ARID5B: variants seen among roughly 807,000 people sequenced by gnomAD.
The protein encoded by ARID5B is AT-rich interaction domain 5B.
ARID5B carries 13 observed loss-of-function variants against 97.2 expected under a neutral mutation model. That is an observed-to-expected ratio of 0.13 (90% confidence interval 0.09 to 0.21). The LOEUF is 0.21. ARID5B is among the 10% of genes least tolerant of loss of function. ARID5B has a pLI of 1.00. For missense variants in ARID5B, 1,210 were observed against 1,465.3 expected (o/e 0.83, Z 2.84); for synonymous variants, 556 against 570.3 (o/e 0.97, Z 0.36).
chr10:61,992,691 G>A (rs1277967196), intron 3 of ARID5B, among the ~76,000 whole-genome samples: 1 of 152,070 alleles, frequency 6.6e-6, no homozygotes, highest in African/African-American at 2.4e-5. Flanking sequence ...GGCAAGCTGG[G>A]GACCATTTAA....
In ARID5B at chr10:61,940,309, G is replaced by A. The variant is rs1404722747; in HGVS notation, c.403G>A (p.Gly135Arg). The A allele has an allele frequency of 6.2e-7, 1 of 1,614,124 alleles. No individual in the cohort carries two copies. The highest frequency in any genetic ancestry group is 1.1e-5 in the South Asian group (1 of 91,078). The change falls in exon 3 of 10, where the codon GGA (glycine) becomes AGA (arginine). Residue 135 changes from glycine (G) to arginine (R), a missense_variant. Physicochemically the swap from Gly to Arg is moderately radical, Grantham distance 125. Around this residue, in one of 8 missense-constraint regions of ARID5B, gnomAD observed 82 missense variants for 79.3 expected, o/e 1.03. Transcript: ENST00000279873. Reference protein sequence around the residue: ...HAGPVKTEALGRNGQKEALLK... With the variant: ...HAGPVKTEALRRNGQKEALLK... Reference sequence around the variant, plus strand: ...TGGACCAGTGAAAACTGAGGCCTTGGGAAGGAATGGACAGAAGGAAGCTCT... The same window carrying A: ...TGGACCAGTGAAAACTGAGGCCTTGAGAAGGAATGGACAGAAGGAAGCTCT...
chr10:61,984,203 G>A (rs919760939), intron 3 of ARID5B, among the ~76,000 whole-genome samples: 1 of 152,032 alleles, frequency 6.6e-6, no homozygotes, highest in Non-Finnish European at 1.5e-5. Flanking sequence ...CTGTTTCTTT[G>A]GGAGCCACCA....
At chr10:62,062,495 A>C (rs1839933514) in intron 7 of ARID5B, among the ~76,000 whole-genome samples, 1 of 152,226 alleles carries the variant, frequency 6.6e-6, no homozygotes, top group Non-Finnish European at 1.5e-5. Flanking sequence ...GATAACAGTG[A>C]TAAGTAACAC....
chr10:61,986,113 G>A lies in ARID5B; in HGVS notation c.503-13978G>A, dbSNP rs189281436. Among the ~76,000 whole-genome samples the A allele has an allele frequency of 2.8e-3, 420 of 152,214 alleles. 2 individuals are homozygous for A. The highest frequency in any genetic ancestry group is 0.027 in the Middle Eastern group (8 of 294). On this transcript the variant is annotated intron_variant, in intron 3 of 9. Coordinates refer to ENST00000279873, the MANE Select transcript of ARID5B (RefSeq NM_032199.3). ...TGAATCTGACAGGGCTCTTCTCAGA[G>A]GTTCAGAGTCAAGCAGAAGGCAGCT...
Position 62,090,185 on chromosome 10 carries a change from A to G in ARID5B, c.1399-677A>G, listed in dbSNP as rs114024462. Among the ~76,000 whole-genome samples the G allele has an allele frequency of 1.5e-3, 236 of 152,314 alleles. 1 individual carries two copies. Among genetic ancestry groups the G allele is most frequent in the African/African-American group, 5.4e-3 (226 of 41,570 alleles). On this transcript the variant is annotated intron_variant, in intron 9 of 9. Transcript: ENST00000279873. ...AACTTCATTTTGGGCTTTAATAGAA[A>G]TGTAGTTTGCTGCAACCTAGAAGGA... is the stretch of plus-strand genomic sequence containing the variant.
chr10:62,089,170 T>A (rs1840332721), intron 9 of ARID5B, among the ~76,000 whole-genome samples: 1 of 152,178 alleles, frequency 6.6e-6, no homozygotes, highest in Non-Finnish European at 1.5e-5. Context: ...TTTTGTGTCA[T>A]GTATAAGCTC....
In ARID5B at chr10:62,094,918, A is replaced by G. The variant is rs923011964; in HGVS notation, c.*1888A>G. The G allele has an allele frequency of 2.6e-5, 6 of 231,296 alleles. No homozygotes were observed. Among genetic ancestry groups the G allele is most frequent in the Admixed American group, 1.1e-4 (2 of 17,708 alleles). 14.3% of individuals were successfully genotyped at this position (231,296 alleles called of 1,614,324 possible). On this transcript the variant is annotated 3_prime_UTR_variant, in exon 10 of 10. Coordinates refer to ENST00000279873, the MANE Select transcript of ARID5B (RefSeq NM_032199.3). The stretch of plus-strand genomic sequence containing the variant: ...CTGCAAAATAATCAAAACTGATAAC[A>G]ATGAAACTGCGGCTCTTAAACAAAG...
At chr10:61,951,730 T>C (rs1589232370) in intron 3 of ARID5B, among the ~76,000 whole-genome samples, 1 of 152,242 alleles carries the variant, frequency 6.6e-6, no homozygotes, top group Non-Finnish European at 1.5e-5. Context: ...TGTTAGTATT[T>C]GTATATGTAC....
intron 2 of ARID5B, among the ~76,000 whole-genome samples, chr10:61,922,789 G>A (rs1423377203): frequency 1.3e-5 from 2 of 152,190 alleles, no homozygotes; most frequent in Non-Finnish European, 2.9e-5. Context: ...TTGTGTATAC[G>A]TCAGGAGAGC....
chr10:62,062,931 T>C (rs1342114670), intron 7 of ARID5B, among the ~76,000 whole-genome samples: 1 of 152,184 alleles, frequency 6.6e-6, no homozygotes, highest in African/African-American at 2.4e-5. Flanking sequence ...GAGAATTTGG[T>C]ACACAATTGT....
chr10:61,990,709 ACCCTTCCCAGATGTT>A (rs1838912246), intron 3 of ARID5B, among the ~76,000 whole-genome samples: 1 of 152,148 alleles, frequency 6.6e-6, no homozygotes, highest in Non-Finnish European at 1.5e-5. Flanking sequence ...AGAAAATATA[ACCCTTCCCAGATGTT>A]CCCCTCTTTG....
At chr10:62,086,655 C>T (rs1840284916) in intron 9 of ARID5B, among the ~76,000 whole-genome samples, 1 of 134,038 alleles carries the variant, frequency 7.5e-6, no homozygotes, top group African/African-American at 2.8e-5. Flanking sequence ...GAGCTGAGAT[C>T]ACGACAGCCT....
intron 8 of ARID5B, among the ~76,000 whole-genome samples, chr10:62,075,182 G>C (rs896361107): frequency 1.3e-5 from 2 of 152,220 alleles, no homozygotes; most frequent in African/African-American, 2.4e-5. Flanking sequence ...CCGGGCCAGA[G>C]AGCCCAAAGG....
intron 6 of ARID5B, among the ~76,000 whole-genome samples, chr10:62,057,882 AAGG>A (rs1839877284): frequency 6.6e-6 from 1 of 152,224 alleles, no homozygotes; most frequent in Non-Finnish European, 1.5e-5. Flanking sequence ...GTATATTTGC[AAGG>A]AGAACAGGAA....
At chr10:61,957,974 A>T (rs1838415372) in intron 3 of ARID5B, among the ~76,000 whole-genome samples, 1 of 152,162 alleles carries the variant, frequency 6.6e-6, no homozygotes, top group East Asian at 1.9e-4. Flanking sequence ...CACTGCCCTC[A>T]ACTACGGCCT....
At chr10:61,966,683 T>C (rs1838550145) in intron 3 of ARID5B, among the ~76,000 whole-genome samples, 2 of 152,204 alleles carry the variant, frequency 1.3e-5, no homozygotes, top group Admixed American at 6.5e-5. Flanking sequence ...GTCCTTCAGA[T>C]ACTTTAAAAG....
chr10:61,962,830 T>C (rs897227377), intron 3 of ARID5B, among the ~76,000 whole-genome samples: 1 of 152,164 alleles, frequency 6.6e-6, no homozygotes, highest in Non-Finnish European at 1.5e-5. Context: ...CAAAAAGCAT[T>C]TATGGTCTTA....
At chr10:61,991,683 C>T (rs1838927468) in intron 3 of ARID5B, among the ~76,000 whole-genome samples, 1 of 152,142 alleles carries the variant, frequency 6.6e-6, no homozygotes, top group East Asian at 1.9e-4. Context: ...TGATGAAGTC[C>T]AGTTGTCTAT....
At position 61,901,775 on chromosome 10, in the gene ARID5B, AC is replaced by A. The variant is rs769969469; in HGVS notation, c.21+51del. Reference sequence around the variant, plus strand: ...TCCTCCGATCCCGGCACCCCCCGGCACCCCCCAACCCCCCAGCTCACCCACA... The same window carrying A: ...TCCTCCGATCCCGGCACCCCCCGGCACCCCCAACCCCCCAGCTCACCCACA... On this transcript the variant is annotated intron_variant, in intron 1 of 9. Transcript: ENST00000279873. The A allele has an allele frequency of 1.4e-5, 17 of 1,247,654 alleles. No homozygotes were observed. In the Admixed American group the frequency reaches 2.0e-4, roughly 14 times the overall value. The allele number at this position is 1,247,654 out of a possible 1,614,324, so 77.3% of individuals were successfully genotyped here. A position where few individuals can be genotyped will look rare whatever the true frequency, so the allele number is the denominator to read the frequency against.
Sources: gnomAD v4.1 joint callset for allele counts (sites outside exome capture counted in the v4.1 genomes callset) on GRCh38, gnomAD v4.1.1 for gene constraint, gnomAD v4.1.1 regional missense constraint, MANE v1.5 for transcripts, NCBI Gene and HGNC (gene_info 2026-07-23, HGNC 2026-07-21) for gene names.